Variants in NCAM2 observed in about 807,000 individuals in gnomAD.
The protein encoded by NCAM2 is N-CAM-2.
A neutral mutation model predicts 98.1 loss-of-function variants in NCAM2; 30 were observed. That is an observed-to-expected ratio of 0.31 (90% CI 0.23 to 0.41). The LOEUF is 0.41. Among genes scored for constraint, NCAM2 ranks in the 10% least tolerant of loss-of-function variants. NCAM2 has a pLI of 1.00. For missense variants in NCAM2, 867 were observed against 1,005.8 expected (o/e 0.86, Z 1.87); for synonymous variants, 368 against 342.4 (o/e 1.07, Z -0.83).
intron 9 of NCAM2, among the ~76,000 whole-genome samples, chr21:21,393,214 A>G (rs559354161): frequency 1.3e-5 from 2 of 152,106 alleles, no homozygotes; most frequent in Admixed American, 1.3e-4. Context: ...TCCTTTTCCC[A>G]TTGCTTATTT....
chr21:21,346,232 C>T (rs891909056), intron 8 of NCAM2, among the ~76,000 whole-genome samples: 12 of 144,238 alleles, frequency 8.3e-5, no homozygotes, highest in Non-Finnish European at 1.4e-4. Context: ...AAACAGGAGT[C>T]ACTATACTTA....
intron 5 of NCAM2, among the ~76,000 whole-genome samples, chr21:21,299,044 C>A (rs1266475843): frequency 2.0e-5 from 3 of 151,580 alleles, no homozygotes; most frequent in East Asian, 3.9e-4. Flanking sequence ...CTATAGGGAT[C>A]ACAAGATACT....
chr21:21,443,536 A>G (rs1046171946), intron 12 of NCAM2, among the ~76,000 whole-genome samples: 7 of 152,092 alleles, frequency 4.6e-5, no homozygotes, highest in Non-Finnish European at 1.0e-4. Context: ...TTTATAAGCA[A>G]TGAGTAAAGG....
chr21:21,180,849 C>T (rs1245029039), intron 1 of NCAM2, among the ~76,000 whole-genome samples: 1 of 152,152 alleles, frequency 6.6e-6, no homozygotes, highest in Non-Finnish European at 1.5e-5. Flanking sequence ...AAGCCTCAAA[C>T]TGTACCAATG....
chr21:21,138,267 G>A (rs2826687), intron 1 of NCAM2, among the ~76,000 whole-genome samples: 63,301 of 151,892 alleles, frequency 0.42, 13,740 homozygotes, highest in African/African-American at 0.54. Flanking sequence ...TGCCCCAGAC[G>A]TTCCAATCTC....
At chr21:21,083,253 A>G (rs1256683943) in intron 1 of NCAM2, among the ~76,000 whole-genome samples, 2 of 152,110 alleles carry the variant, frequency 1.3e-5, no homozygotes, top group Non-Finnish European at 2.9e-5. Context: ...ATAAAGTTGT[A>G]TCTTTGGTAT....
chr21:21,162,735 T>G (rs910918823), intron 1 of NCAM2, among the ~76,000 whole-genome samples: 1 of 152,118 alleles, frequency 6.6e-6, no homozygotes, highest in African/African-American at 2.4e-5. Context: ...TTGGCATGTA[T>G]CATGGTTCAG....
At chr21:21,410,146 A>G in intron 9 of NCAM2, 128 bp from the exon 10 acceptor site, 1 of 603,394 alleles carries the variant, frequency 1.7e-6, no homozygotes, top group Non-Finnish European at 2.5e-6. Flanking sequence ...AAGAAAAAAA[A>G]AAAATACACG....
At chr21:21,256,902 C>G (rs2071694928) in intron 1 of NCAM2, among the ~76,000 whole-genome samples, 1 of 152,078 alleles carries the variant, frequency 6.6e-6, no homozygotes, top group Non-Finnish European at 1.5e-5. Flanking sequence ...CTCAGTAACT[C>G]TAGAATAGGA....
chr21:21,331,324 G>A (rs2147834055), intron 6 of NCAM2, among the ~76,000 whole-genome samples: 1 of 150,396 alleles, frequency 6.6e-6, no homozygotes, highest in Non-Finnish European at 1.5e-5. Context: ...ACTATTTAGA[G>A]AAGTGGTTTC....
intron 1 of NCAM2, among the ~76,000 whole-genome samples, chr21:21,206,196 G>T (rs1279613182): frequency 6.6e-6 from 1 of 152,012 alleles, no homozygotes; most frequent in African/African-American, 2.4e-5. Flanking sequence ...CTTGGATTTT[G>T]TTTCCATTTG....
intron 1 of NCAM2, among the ~76,000 whole-genome samples, chr21:21,141,455 T>C (rs1334598764): frequency 6.6e-6 from 1 of 152,228 alleles, no homozygotes. Context: ...TTATCAATGA[T>C]ATGGTTACCA....
At chr21:21,271,378 A>C (rs567054335) in intron 1 of NCAM2, among the ~76,000 whole-genome samples, 18 of 152,304 alleles carry the variant, frequency 1.2e-4, no homozygotes, top group African/African-American at 4.1e-4. Flanking sequence ...ATAAAATTTC[A>C]TATGTGTTAA....
chr21:21,008,457 C>T (rs770638747), intron 1 of NCAM2, among the ~76,000 whole-genome samples: 1 of 151,846 alleles, frequency 6.6e-6, no homozygotes, highest in Non-Finnish European at 1.5e-5. Context: ...CTAATGAAGC[C>T]CCACAGTTAT....
At chr21:21,199,407 T>G (rs1041986908) in intron 1 of NCAM2, among the ~76,000 whole-genome samples, 4 of 152,142 alleles carry the variant, frequency 2.6e-5, no homozygotes, top group Non-Finnish European at 5.9e-5. Flanking sequence ...CTTGTGTGGC[T>G]CAGACCTGGG....
intron 5 of NCAM2, among the ~76,000 whole-genome samples, chr21:21,316,492 T>TTCTCCAA (rs1487193738): frequency 6.6e-6 from 1 of 151,804 alleles, no homozygotes; most frequent in Non-Finnish European, 1.5e-5. Context: ...AGATGACCCT[T>TTCTCCAA]TCTCCAACAT....
At chr21:21,145,770 G>GTA (rs1356329232) in intron 1 of NCAM2, among the ~76,000 whole-genome samples, 2 of 152,116 alleles carry the variant, frequency 1.3e-5, no homozygotes, top group Non-Finnish European at 2.9e-5. Flanking sequence ...AGGACACTGA[G>GTA]TACAAAACGA....
At chr21:21,256,200 A>G (rs1260642005) in intron 1 of NCAM2, among the ~76,000 whole-genome samples, 1 of 152,094 alleles carries the variant, frequency 6.6e-6, no homozygotes, top group Non-Finnish European at 1.5e-5. Context: ...ACTAAAAACA[A>G]CAAAAATTAG....
At chr21:21,192,366 A>G (rs1180166981) in intron 1 of NCAM2, among the ~76,000 whole-genome samples, 1 of 152,232 alleles carries the variant, frequency 6.6e-6, no homozygotes. Context: ...AACTGTTTCA[A>G]AAGAAGGTGG....
Sources: gnomAD v4.1 joint callset for allele counts (sites outside exome capture counted in the v4.1 genomes callset) on GRCh38, gnomAD v4.1.1 for gene constraint, MANE v1.5 for transcripts, NCBI Gene and HGNC (gene_info 2026-07-23, HGNC 2026-07-21) for gene names.